MADD: variants seen among roughly 807,000 people sequenced by gnomAD.
MADD encodes MAP kinase activating death domain, also known as MAP kinase-activating death domain protein.
A neutral mutation model predicts 176.7 loss-of-function variants in MADD; 109 were observed. The observed-to-expected ratio is 0.62, with a 90% CI of 0.53 to 0.72. The LOEUF (loss-of-function observed/expected upper bound fraction) is 0.72. Ranked by LOEUF, MADD falls within the 30% of genes least tolerant of loss-of-function variation. The pLI is 0.00. For synonymous variants in MADD, 771 were observed against 771.3 expected (o/e 1.00, Z 0.01); for missense variants, 1,914 against 2,045.5 (o/e 0.94, Z 1.24).
At chr11:47,277,232 G>A (rs2050917955) in intron 5 of MADD, among the ~76,000 whole-genome samples, 1 of 152,096 alleles carries the variant, frequency 6.6e-6, no homozygotes, top group South Asian at 2.1e-4. Context: ...ATATATACCG[G>A]TGATACCGTT....
intron 12 of MADD, among the ~76,000 whole-genome samples, 167 bp from the exon 13 acceptor site, chr11:47,284,774 C>T (rs1216818696): frequency 6.6e-6 from 1 of 152,080 alleles, no homozygotes; most frequent in Non-Finnish European, 1.5e-5. Flanking sequence ...AGCTATGATC[C>T]CCCTTATATA....
At chr11:47,275,845 T>G (rs1226949875) in intron 3 of MADD, 54 bp from the exon 4 acceptor site, 1 of 1,504,176 alleles carries the variant, frequency 6.6e-7, no homozygotes, top group Admixed American at 1.8e-5. Context: ...TGAGTTGCAG[T>G]AGGGTATCAG....
rs753980868 is a variant in MADD at position 47,328,645 on chromosome 11, C to T, written c.4613-13C>T. 3.2e-5 allele frequency: 52 copies of T among 1,614,182 alleles called. No homozygotes were observed. Among genetic ancestry groups the T allele is most frequent in the South Asian group, 2.4e-4 (22 of 91,070 alleles). On this transcript the variant is annotated splice_polypyrimidine_tract_variant and intron_variant, in intron 31 of 32. Coordinates refer to ENST00000402192, the Ensembl canonical transcript of MADD. ...TGAACTTTCTGTTTTGTCTCTTGCC[C>T]GTCCGGTTTTAGTTCCTGAAATTAA... is the stretch of plus-strand genomic sequence containing the variant.
In MADD at chr11:47,328,202, A is replaced by G. The variant is rs988948902; in HGVS notation, c.4613-456A>G. On this transcript the variant is annotated intron_variant, in intron 31 of 32. Transcript: ENST00000402192. Reference sequence around the variant, plus strand: ...GGGAATAACGGGAACTGTGTTTAACATGACCCAATTTTCAGGCTGGTGACG... The same window carrying G: ...GGGAATAACGGGAACTGTGTTTAACGTGACCCAATTTTCAGGCTGGTGACG... The G allele has an allele frequency of 6.6e-6, 7 of 1,068,430 alleles. No individual in the cohort carries two copies. In the African/African-American group the frequency reaches 6.6e-5, roughly 10 times the overall value. 66.2% of individuals were successfully genotyped at this position (1,068,430 alleles called of 1,614,324 possible). A position where few individuals can be genotyped will look rare whatever the true frequency, so the allele number is the denominator to read the frequency against.
chr11:47,274,090 T>G lies in MADD; in HGVS notation c.62+114T>G, dbSNP rs1370665279. On this transcript the variant is annotated intron_variant, in intron 2 of 32. Coordinates refer to ENST00000402192, the Ensembl canonical transcript of MADD. ...TGCATAGCTCATCTTCTCCTGTTAT[T>G]TTACCCTGATGGGAGCATCGAAGCC... The G allele has an allele frequency of 5.0e-6, 5 of 1,000,752 alleles. No homozygotes were observed. In the African/African-American group the frequency reaches 8.0e-5, roughly 16 times the overall value. 62.0% of individuals were successfully genotyped at this position (1,000,752 alleles called of 1,614,324 possible).
chr11:47,271,652 T>C (rs1963917368), intron 1 of MADD, among the ~76,000 whole-genome samples: 1 of 152,138 alleles, frequency 6.6e-6, no homozygotes, highest in South Asian at 2.1e-4. Context: ...CAAGGTGTAG[T>C]CTAGAGCTCT....
intron 19 of MADD, among the ~76,000 whole-genome samples, chr11:47,292,077 C>T (rs936298464): frequency 1.3e-5 from 2 of 152,174 alleles, no homozygotes; most frequent in Middle Eastern, 3.2e-3. Flanking sequence ...TGGTGTTCTT[C>T]CTTCTGAAAC....
chr11:47,315,198 T>A (rs2092374803), intron 26 of MADD, 22 bp from the exon 30 acceptor site: 1 of 1,521,496 alleles, frequency 6.6e-7, no homozygotes, highest in Non-Finnish European at 9.1e-7. Flanking sequence ...TGACTGTCCC[T>A]AAAAAATCTC....
chr11:47,322,115 T>C (rs1156464675), intron 27 of MADD, among the ~76,000 whole-genome samples: 1 of 152,170 alleles, frequency 6.6e-6, no homozygotes, highest in African/African-American at 2.4e-5. Context: ...CATTAACTCA[T>C]TTAGTCTTCA....
At chr11:47,305,117 G>A (rs1429915885) in intron 22 of MADD, among the ~76,000 whole-genome samples, 1 of 152,114 alleles carries the variant, frequency 6.6e-6, no homozygotes, top group South Asian at 2.1e-4. Context: ...AGGAGTTTTG[G>A]AGTCCTCCTA....
chr11:47,295,758 T>C (rs1164227820), intron 21 of MADD, 139 bp from the exon 24 acceptor site: 4 of 1,520,410 alleles, frequency 2.6e-6, no homozygotes, highest in Admixed American at 4.4e-5. Flanking sequence ...TCTCATCTTA[T>C]AAAGAAGGTA....
In MADD at chr11:47,326,437, C is replaced by CA; in HGVS notation, c.4543-300dup. ...TGTGTCTTACAAGCACTGCCCTGGG[C>CA]AGAGGGTACGGGCGGGCAGCCCAGG... On this transcript the variant is annotated intron_variant, in intron 30 of 32. Transcript: ENST00000402192. 4.7e-6 allele frequency: 4 copies of CA among 858,158 alleles called. No homozygotes were observed. In the South Asian group the frequency reaches 1.3e-4, roughly 28 times the overall value. 53.2% of individuals were successfully genotyped at this position (858,158 alleles called of 1,614,324 possible).
At chr11:47,300,088 TGAAG>T (rs1314924696) in intron 22 of MADD, among the ~76,000 whole-genome samples, 4 of 152,250 alleles carry the variant, frequency 2.6e-5, no homozygotes, top group African/African-American at 9.6e-5. Context: ...GCTTTTATCA[TGAAG>T]GAATGTTGAC....
chr11:47,277,867 A>G (rs1352008493), intron 5 of MADD, among the ~76,000 whole-genome samples: 1 of 152,238 alleles, frequency 6.6e-6, no homozygotes. Flanking sequence ...GCAGTTTAAA[A>G]TTTATGAATT....
At chr11:47,308,791 C>T in intron 23 of MADD, 92 bp downstream of exon 25, 1 of 1,154,306 alleles carries the variant, frequency 8.7e-7, no homozygotes, top group Non-Finnish European at 1.3e-6. Context: ...GGTTGTCTTT[C>T]TGCTGATCTT....
intron 19 of MADD, among the ~76,000 whole-genome samples, chr11:47,292,294 A>G (rs2065987041): frequency 6.6e-6 from 1 of 152,196 alleles, no homozygotes; most frequent in African/African-American, 2.4e-5. Context: ...CAGCTCTAAC[A>G]TTCTGCAGGG....
chr11:47,278,426 T>C, intron 6 of MADD, 148 bp downstream of exon 6: 1 of 623,344 alleles, frequency 1.6e-6, no homozygotes, highest in Non-Finnish European at 2.9e-6. Context: ...CAAGTTTTTT[T>C]AAATGCTCCT....
intron 27 of MADD, among the ~76,000 whole-genome samples, chr11:47,320,410 G>C (rs1039495794): frequency 7.3e-5 from 11 of 151,350 alleles, no homozygotes; most frequent in African/African-American, 2.7e-4. Flanking sequence ...AGCCGAGATT[G>C]CACCACTTCA....
intron 10 of MADD, 46 bp from the exon 11 acceptor site, chr11:47,284,132 C>T (rs1375045577): frequency 2.3e-6 from 3 of 1,302,850 alleles, no homozygotes; most frequent in Admixed American, 1.7e-5. Context: ...GGTGTTCTCC[C>T]TGCCCCTTTC....
Sources: gnomAD v4.1 joint callset for allele counts (sites outside exome capture counted in the v4.1 genomes callset) on GRCh38, gnomAD v4.1.1 for gene constraint, MANE v1.5 for transcripts, NCBI Gene and HGNC (gene_info 2026-07-23, HGNC 2026-07-21) for gene names.